SOX6: variants seen among roughly 807,000 people sequenced by gnomAD.
SOX6 encodes SRY-box transcription factor 6.
A neutral mutation model predicts 97.8 loss-of-function variants in SOX6; 11 were observed. The observed-to-expected ratio is 0.11, with a 90% CI of 0.07 to 0.19. SOX6 has a LOEUF of 0.19. Among genes scored for constraint, SOX6 ranks in the 10% least tolerant of loss-of-function variants. The pLI, the probability that SOX6 is intolerant of heterozygous loss-of-function variation, is 1.00. For synonymous variants in SOX6, 360 were observed against 371.4 expected, an observed-to-expected ratio of 0.97 and a Z score of 0.35; for missense variants, 810 against 1,039.5, an observed-to-expected ratio of 0.78 and a Z score of 3.04.
At chr11:15,997,257 A>C (rs1854252336) in intron 13 of SOX6, among the ~76,000 whole-genome samples, 1 of 152,210 alleles carries the variant, frequency 6.6e-6, no homozygotes, top group African/African-American at 2.4e-5. Flanking sequence ...ATCCACAAAG[A>C]AAATTGAAGC....
At chr11:16,161,706 A>C (rs1840422) in intron 6 of SOX6, among the ~76,000 whole-genome samples, 8 of 151,966 alleles carry the variant, frequency 5.3e-5, no homozygotes, top group Admixed American at 1.3e-4. Flanking sequence ...AAGTTTTCTC[A>C]TTTTTCTTTT....
chr11:16,576,963 C>T (rs1418038132), intron 4 of SOX6: 1 of 152,196 alleles, frequency 6.6e-6, no homozygotes, highest in East Asian at 1.9e-4. Context: ...TAGGTTTCTG[C>T]ATTAAGTTCG....
intron 3 of SOX6, among the ~76,000 whole-genome samples, chr11:16,659,643 A>C (rs542554174): frequency 6.6e-6 from 1 of 152,258 alleles, no homozygotes; most frequent in Non-Finnish European, 1.5e-5. Flanking sequence ...TGCTGGCCAC[A>C]TAGCATAAGT....
intron 4 of SOX6, among the ~76,000 whole-genome samples, chr11:16,573,378 TG>T (rs1255375175): frequency 6.6e-6 from 1 of 152,224 alleles, no homozygotes; most frequent in Non-Finnish European, 1.5e-5. Flanking sequence ...GGAGCCCATA[TG>T]TTATGCACTT....
intron 2 of SOX6, among the ~76,000 whole-genome samples, chr11:16,717,957 T>C (rs1022449282): frequency 6.6e-6 from 1 of 151,406 alleles, no homozygotes; most frequent in Non-Finnish European, 1.5e-5. Flanking sequence ...GTTTTTCTTT[T>C]TTTTTTTTTT....
rs1848017771 is a variant in SOX6 at position 16,579,963 on chromosome 11, C to G, written n.609+32118G>C. Reference sequence around the variant, plus strand: ...CACCAACACGCAAGGCATTGTCAGTCTTTTTAATTTTAGCCTAAATGCTCT... The same window carrying G: ...CACCAACACGCAAGGCATTGTCAGTGTTTTTAATTTTAGCCTAAATGCTCT... On this transcript the variant is annotated intron_variant and non_coding_transcript_variant, in intron 4 of 5. Coordinates refer to the SOX6 transcript ENST00000524520. Among the ~76,000 whole-genome samples the G allele has an allele frequency of 3.3e-5, 5 of 152,224 alleles. No homozygotes were observed. In the South Asian group the frequency reaches 1.0e-3, roughly 32 times the overall value.
chr11:16,284,568 T>C (rs916475120), intron 3 of SOX6, among the ~76,000 whole-genome samples: 1 of 152,166 alleles, frequency 6.6e-6, no homozygotes, highest in African/African-American at 2.4e-5. Context: ...TTTTATGTTC[T>C]AGGCAATATG....
intron 4 of SOX6, among the ~76,000 whole-genome samples, chr11:16,523,532 A>G (rs1244591813): frequency 6.6e-6 from 1 of 152,120 alleles, no homozygotes; most frequent in Admixed American, 6.5e-5. Flanking sequence ...AGAAAGCAGG[A>G]AAGATCTAAA....
chr11:16,441,041 T>C (rs1311326207), intron 1 of SOX6, among the ~76,000 whole-genome samples: 2 of 152,122 alleles, frequency 1.3e-5, no homozygotes, highest in Non-Finnish European at 2.9e-5. Flanking sequence ...AGCCCAAATG[T>C]GTGTAGAACA....
At chr11:16,445,211 C>G (rs181877772) in intron 1 of SOX6, among the ~76,000 whole-genome samples, 1 of 152,264 alleles carries the variant, frequency 6.6e-6, no homozygotes, top group African/African-American at 2.4e-5. Flanking sequence ...CATGGTAACA[C>G]TAGAGTAACA....
intron 4 of SOX6, among the ~76,000 whole-genome samples, chr11:16,502,793 C>A (rs919758195): frequency 2.0e-5 from 3 of 152,076 alleles, no homozygotes; most frequent in African/African-American, 4.8e-5. Context: ...GGATAGAAAA[C>A]CTATTTAACC....
At chr11:16,132,290 G>A (rs868545575) in intron 6 of SOX6, among the ~76,000 whole-genome samples, 5 of 81,506 alleles carry the variant, frequency 6.1e-5, no homozygotes, top group African/African-American at 1.9e-4. Flanking sequence ...AAGGAAGGAA[G>A]GAAGGAAGGA....
intron 4 of SOX6, among the ~76,000 whole-genome samples, chr11:16,593,755 G>A (rs79215138): frequency 0.011 from 1,648 of 152,194 alleles, 22 homozygotes; most frequent in African/African-American, 0.038. Context: ...TAGGAAGAAG[G>A]CATTAATATT....
At chr11:16,514,352 C>G (rs1860929476) in intron 4 of SOX6, among the ~76,000 whole-genome samples, 1 of 151,972 alleles carries the variant, frequency 6.6e-6, no homozygotes. Context: ...GTAGGTCAGC[C>G]CAAAAGAAAA....
chr11:16,541,787 T>G (rs997232656), intron 4 of SOX6, among the ~76,000 whole-genome samples: 1 of 152,112 alleles, frequency 6.6e-6, no homozygotes, highest in Non-Finnish European at 1.5e-5. Context: ...CCAGTTAGAA[T>G]GGTGAGCATT....
At chr11:16,084,489 T>C (rs1848537177) in intron 9 of SOX6, among the ~76,000 whole-genome samples, 1 of 152,092 alleles carries the variant, frequency 6.6e-6, no homozygotes. Context: ...GCAGACACTG[T>C]ACTAAGCAAT....
At chr11:16,299,654 G>C (rs148581779) in intron 3 of SOX6, among the ~76,000 whole-genome samples, 7 of 152,054 alleles carry the variant, frequency 4.6e-5, no homozygotes, top group Non-Finnish European at 5.9e-5. Context: ...CAAAATCTGC[G>C]TATGTATTGC....
chr11:16,205,188 G>A (rs911483777), intron 4 of SOX6, among the ~76,000 whole-genome samples: 1 of 152,070 alleles, frequency 6.6e-6, no homozygotes, highest in Admixed American at 6.6e-5. Flanking sequence ...AGAATTCCAC[G>A]ATAGAACCAG....
At chr11:16,087,040 T>C (rs1848593263) in intron 9 of SOX6, among the ~76,000 whole-genome samples, 1 of 152,216 alleles carries the variant, frequency 6.6e-6, no homozygotes, top group Non-Finnish European at 1.5e-5. Flanking sequence ...AAATTTAAAA[T>C]ACACTTAAAC....
Sources: gnomAD v4.1 joint callset for allele counts (sites outside exome capture counted in the v4.1 genomes callset) on GRCh38, gnomAD v4.1.1 for gene constraint, MANE v1.5 for transcripts, NCBI Gene and HGNC (gene_info 2026-07-23, HGNC 2026-07-21) for gene names.